Variants in UNC13B observed in about 807,000 individuals in gnomAD.
UNC13B encodes unc-13 homolog B, also known as protein unc-13 homolog B.
UNC13B carries 144 observed loss-of-function variants against 211.0 expected under a neutral mutation model. The observed-to-expected ratio is 0.68, with a 90% CI of 0.60 to 0.78. The LOEUF (loss-of-function observed/expected upper bound fraction) is 0.78. Ranked by LOEUF, UNC13B falls within the 30% of genes least tolerant of loss-of-function variation. UNC13B has a pLI of 0.00. For missense variants in UNC13B, 1,777 were observed against 2,002.0 expected (o/e 0.89, Z 2.14); for synonymous variants, 709 against 725.8 (o/e 0.98, Z 0.37).
intron 1 of UNC13B, among the ~76,000 whole-genome samples, chr9:35,167,847 CCCT>C (rs1432014584): frequency 2.0e-5 from 3 of 149,916 alleles, no homozygotes; most frequent in Non-Finnish European, 4.4e-5. Context: ...TTGTGATCTG[CCCT>C]CCTCGGCCCC....
chr9:35,234,426 A>G (rs1023150544), intron 3 of UNC13B, among the ~76,000 whole-genome samples: 3 of 152,158 alleles, frequency 2.0e-5, no homozygotes, highest in African/African-American at 4.8e-5. Context: ...GGCCCAAGCA[A>G]TTTTTCGATT....
intron 10 of UNC13B, among the ~76,000 whole-genome samples, chr9:35,311,790 C>G (rs73645459): frequency 6.6e-6 from 1 of 152,236 alleles, no homozygotes; most frequent in African/African-American, 2.4e-5. Context: ...ACCCCTCAGC[C>G]TCCTCAGGGC....
intron 11 of UNC13B, among the ~76,000 whole-genome samples, chr9:35,338,107 C>T (rs1255737770): frequency 2.6e-5 from 4 of 152,076 alleles, no homozygotes; most frequent in Admixed American, 2.6e-4. Flanking sequence ...GACTTTTGAT[C>T]GGGTTTATGT....
At chr9:35,396,629 G>T in intron 27 of UNC13B, 27 bp downstream of exon 27, 2 of 1,613,252 alleles carry the variant, frequency 1.2e-6, no homozygotes, top group Non-Finnish European at 8.5e-7. Context: ...GCACTACAGA[G>T]GGAAGGGAGC....
At chr9:35,350,129 C>G (rs1832620427) in intron 11 of UNC13B, among the ~76,000 whole-genome samples, 1 of 152,150 alleles carries the variant, frequency 6.6e-6, no homozygotes, top group South Asian at 2.1e-4. Flanking sequence ...CTGCTTTCCT[C>G]CTTGTACTTT....
intron 1 of UNC13B, among the ~76,000 whole-genome samples, chr9:35,220,165 G>A (rs1824494384): frequency 6.6e-6 from 1 of 151,272 alleles, no homozygotes; most frequent in Non-Finnish European, 1.5e-5. Context: ...TAATTTTGGG[G>A]TATATAATAC....
Position 35,213,992 on chromosome 9 carries a change from A to G in UNC13B, c.23-14023A>G, listed in dbSNP as rs200431087. On this transcript the variant is annotated intron_variant, in intron 1 of 39. Transcript: ENST00000635942. ...ATAAAACCTACAAAAAAAATAGCCA[A>G]CCAGAGTGTCATGATACATGACGTA... Among the ~76,000 whole-genome samples, 31 of 152,344 alleles carry G rather than the reference A, an allele frequency of 2.0e-4. No homozygotes were observed. The East Asian group carries it at 4.6e-3, about 23-fold the overall frequency.
intron 7 of UNC13B, among the ~76,000 whole-genome samples, chr9:35,271,257 A>G (rs1240012868): frequency 1.3e-5 from 2 of 151,930 alleles, no homozygotes; most frequent in South Asian, 2.1e-4. Flanking sequence ...TTAGCAGATT[A>G]GATTTTATAT....
chr9:35,317,061 T>C (rs1830495213), intron 11 of UNC13B, among the ~76,000 whole-genome samples: 1 of 152,188 alleles, frequency 6.6e-6, no homozygotes, highest in Non-Finnish European at 1.5e-5. Flanking sequence ...ATTAATGCAG[T>C]TATACATCTA....
At chr9:35,278,402 G>A (rs1481144629) in intron 7 of UNC13B, among the ~76,000 whole-genome samples, 1 of 152,152 alleles carries the variant, frequency 6.6e-6, no homozygotes, top group Non-Finnish European at 1.5e-5. Flanking sequence ...ACTGGAAGCA[G>A]AAGAGCCTTA....
At chr9:35,402,282 CTTTTT>C (rs1168729927) in intron 37 of UNC13B, among the ~76,000 whole-genome samples, 2 of 136,884 alleles carry the variant, frequency 1.5e-5, no homozygotes, top group South Asian at 2.3e-4. Flanking sequence ...TTCTTTTTTT[CTTTTT>C]TTTTTTTTTT....
intron 5 of UNC13B, among the ~76,000 whole-genome samples, chr9:35,239,656 GCTTATTTCATCC>G (rs1825699799): frequency 6.6e-6 from 1 of 152,098 alleles, no homozygotes; most frequent in Non-Finnish European, 1.5e-5. Flanking sequence ...GGAGACCAGG[GCTTATTTCATCC>G]CTTATCTACA....
At chr9:35,379,288 G>C (rs982131535) in intron 17 of UNC13B, among the ~76,000 whole-genome samples, 3 of 151,924 alleles carry the variant, frequency 2.0e-5, no homozygotes, top group African/African-American at 7.2e-5. Context: ...TCTCTATTAA[G>C]AATACAAAAA....
chr9:35,384,222 C>T, intron 21 of UNC13B, 24 bp from the exon 22 acceptor site: 1 of 1,613,360 alleles, frequency 6.2e-7, no homozygotes, highest in South Asian at 1.1e-5. Context: ...TTTTTCTTCC[C>T]CTTTATTTGT....
intron 1 of UNC13B, among the ~76,000 whole-genome samples, chr9:35,204,867 A>G (rs554140835): frequency 3.9e-5 from 6 of 152,190 alleles, no homozygotes; most frequent in Non-Finnish European, 8.8e-5. Flanking sequence ...TTGGGAAGGC[A>G]TGATTATATT....
intron 1 of UNC13B, among the ~76,000 whole-genome samples, chr9:35,196,918 G>A (rs1007024983): frequency 2.0e-5 from 3 of 151,954 alleles, no homozygotes; most frequent in Non-Finnish European, 2.9e-5. Context: ...CTGCAGGCAT[G>A]TGCCACCATG....
At chr9:35,195,858 A>G (rs1822906106) in intron 1 of UNC13B, among the ~76,000 whole-genome samples, 1 of 152,222 alleles carries the variant, frequency 6.6e-6, no homozygotes, top group Admixed American at 6.5e-5. Flanking sequence ...CAGCTGAGTC[A>G]ACTGTGGTCA....
chr9:35,291,108 C>A, intron 7 of UNC13B: 3 of 1,550,116 alleles, frequency 1.9e-6, no homozygotes, highest in Non-Finnish European at 2.6e-6. Flanking sequence ...CAACAGAGTA[C>A]GTAAGAATTG....
At chr9:35,391,898 A>G (rs865887568) in intron 26 of UNC13B, among the ~76,000 whole-genome samples, 3 of 152,226 alleles carry the variant, frequency 2.0e-5, no homozygotes, top group Admixed American at 6.5e-5. Context: ...CCAGCCCTGC[A>G]TTTATCAATC....
Sources: gnomAD v4.1 joint callset for allele counts (sites outside exome capture counted in the v4.1 genomes callset) on GRCh38, gnomAD v4.1.1 for gene constraint, MANE v1.5 for transcripts, NCBI Gene and HGNC (gene_info 2026-07-23, HGNC 2026-07-21) for gene names.